The following SRPK2 variants were observed in gnomAD, a reference collection of about 807,000 sequenced individuals.
The protein encoded by SRPK2 is SRSF protein kinase 2, also known as SFRS protein kinase 2.
In SRPK2, 21 loss-of-function variants were observed where a neutral mutation model predicts 90.8. That is an observed-to-expected ratio of 0.23 (90% confidence interval 0.16 to 0.33). The LOEUF (loss-of-function observed/expected upper bound fraction) is 0.33. Ranked by LOEUF, SRPK2 falls within the 10% of genes least tolerant of loss-of-function variation. The probability of loss-of-function intolerance (pLI) is 1.00; values close to 1 mark genes in which losing one functional copy is unlikely to be tolerated. For missense variants in SRPK2, 620 were observed against 869.0 expected (o/e 0.71, Z 3.60); for synonymous variants, 288 against 311.1 (o/e 0.93, Z 0.78).
chr7:105,235,649 A>T (rs1176777675), intron 2 of SRPK2, among the ~76,000 whole-genome samples: 2 of 152,208 alleles, frequency 1.3e-5, no homozygotes, highest in African/African-American at 2.4e-5. Flanking sequence ...GCTTTTTCAT[A>T]TGATCTATAA....
intron 2 of SRPK2, among the ~76,000 whole-genome samples, chr7:105,313,159 T>A (rs1462851597): frequency 2.0e-5 from 3 of 151,746 alleles, no homozygotes; most frequent in Non-Finnish European, 2.9e-5. Flanking sequence ...TTTTTTTTTT[T>A]AAATTACCAG....
intron 3 of SRPK2, among the ~76,000 whole-genome samples, chr7:105,200,140 A>G (rs928429402): frequency 3.3e-5 from 5 of 152,132 alleles, no homozygotes; most frequent in African/African-American, 1.2e-4. Context: ...CATCTCTACT[A>G]AAAATACAAA....
chr7:105,376,734 C>T (rs1333824205), intron 2 of SRPK2, among the ~76,000 whole-genome samples: 2 of 151,588 alleles, frequency 1.3e-5, no homozygotes, highest in African/African-American at 2.4e-5. Context: ...GATGGGGTTT[C>T]GCCATGTTGG....
At chr7:105,277,271 T>A (rs1806648505) in intron 2 of SRPK2, among the ~76,000 whole-genome samples, 1 of 152,126 alleles carries the variant, frequency 6.6e-6, no homozygotes, top group South Asian at 2.1e-4. Context: ...AGAGATGGTG[T>A]TTCACTGTGT....
chr7:105,384,299 TTAA>T (rs903655184), intron 2 of SRPK2, among the ~76,000 whole-genome samples: 8 of 152,188 alleles, frequency 5.3e-5, no homozygotes, highest in African/African-American at 1.9e-4. Flanking sequence ...AGCAGCACAA[TTAA>T]TAATAAGCAA....
rs529285258 is a variant in SRPK2 at position 105,120,388 on chromosome 7, T to C, written c.1916-2366A>G. ...TCCATGAAAAGAGAAGTTTTACCAC[T>C]ATAAATGCTTAACAGCTGCATAGTA... On this transcript the variant is annotated intron_variant, in intron 15 of 15. Transcript: ENST00000393651. Among the ~76,000 whole-genome samples the C allele has an allele frequency of 3.9e-5, 6 of 152,324 alleles. No individual in the cohort carries two copies. The East Asian group carries it at 1.2e-3, about 29-fold the overall frequency.
intron 3 of SRPK2, among the ~76,000 whole-genome samples, chr7:105,193,668 T>C (rs1386220303): frequency 2.0e-5 from 3 of 152,218 alleles, no homozygotes; most frequent in East Asian, 3.8e-4. Context: ...CCTATGAGCA[T>C]GGGATGTGTT....
chr7:105,384,919 C>G (rs1210505451), intron 2 of SRPK2, among the ~76,000 whole-genome samples: 2 of 151,968 alleles, frequency 1.3e-5, no homozygotes, highest in African/African-American at 4.8e-5. Flanking sequence ...CTCTGTCGCC[C>G]AGGCTGGAGT....
At chr7:105,262,522 CATG>C (rs1252142455) in intron 2 of SRPK2, among the ~76,000 whole-genome samples, 1 of 152,146 alleles carries the variant, frequency 6.6e-6, no homozygotes, top group Non-Finnish European at 1.5e-5. Context: ...ATATATTTTA[CATG>C]ATAACTTCCT....
chr7:105,185,090 G>A (rs954091201), intron 3 of SRPK2, among the ~76,000 whole-genome samples: 3 of 151,714 alleles, frequency 2.0e-5, no homozygotes, highest in Non-Finnish European at 2.9e-5. Context: ...CTCATTTCTC[G>A]GTTCTTAATT....
chr7:105,131,885 T>G (rs1436492066), intron 13 of SRPK2, among the ~76,000 whole-genome samples: 1 of 151,964 alleles, frequency 6.6e-6, no homozygotes, highest in Non-Finnish European at 1.5e-5. Context: ...AACCCACCTT[T>G]CCCAACACGG....
intron 2 of SRPK2, among the ~76,000 whole-genome samples, chr7:105,248,678 C>T (rs1256526764): frequency 4.6e-5 from 7 of 152,052 alleles, no homozygotes; most frequent in Non-Finnish European, 8.8e-5. Flanking sequence ...CGATGGCTCA[C>T]GCCTGTAATC....
intron 3 of SRPK2, among the ~76,000 whole-genome samples, chr7:105,195,111 G>A (rs1028259959): frequency 2.0e-5 from 3 of 152,118 alleles, no homozygotes; most frequent in African/African-American, 4.8e-5. Flanking sequence ...GTGCAGTGGC[G>A]CAATCTCAAC....
At chr7:105,129,672 G>A (rs1453486587) in intron 13 of SRPK2, among the ~76,000 whole-genome samples, 1 of 152,166 alleles carries the variant, frequency 6.6e-6, no homozygotes, top group African/African-American at 2.4e-5. Context: ...ACCTCGCTGG[G>A]CCTAAGTATA....
chr7:105,265,382 G>A (rs1244716209), intron 2 of SRPK2, among the ~76,000 whole-genome samples: 7 of 152,140 alleles, frequency 4.6e-5, no homozygotes, highest in Admixed American at 4.6e-4. Flanking sequence ...GAAGTACACA[G>A]GTTATGTGCA....
intron 2 of SRPK2, among the ~76,000 whole-genome samples, chr7:105,256,833 A>G (rs1205587184): frequency 6.6e-6 from 1 of 152,118 alleles, no homozygotes; most frequent in African/African-American, 2.4e-5. Flanking sequence ...TGTGCTCCCC[A>G]CCTGGCTGTA....
chr7:105,290,171 AAACT>A (rs1028839804), intron 2 of SRPK2, among the ~76,000 whole-genome samples: 3 of 148,612 alleles, frequency 2.0e-5, no homozygotes, highest in Admixed American at 1.4e-4. Context: ...AAGAATTACC[AAACT>A]AACACAGAGA....
intron 2 of SRPK2, among the ~76,000 whole-genome samples, chr7:105,205,419 G>C (rs1314044219): frequency 6.6e-6 from 1 of 152,026 alleles, no homozygotes; most frequent in Non-Finnish European, 1.5e-5. Flanking sequence ...CTGGGTAACA[G>C]ACATCAGGAT....
At chr7:105,145,224 CAATAAT>C (rs1165050080) in intron 9 of SRPK2, 53 bp downstream of exon 9, 2 of 1,350,924 alleles carry the variant, frequency 1.5e-6, no homozygotes, top group African/African-American at 1.5e-5. Flanking sequence ...TTGAACAACT[CAATAAT>C]AAACGGTCTC....
Sources: allele counts gnomAD v4.1 joint callset (sites outside exome capture counted in the v4.1 genomes callset), GRCh38; gene constraint gnomAD v4.1.1; transcripts MANE v1.5; gene names NCBI Gene and HGNC (gene_info 2026-07-23, HGNC 2026-07-21).